The following FAF1 variants were observed in gnomAD, a reference collection of about 807,000 sequenced individuals.
FAF1 encodes FAS-associated factor 1.
In FAF1, 25 loss-of-function variants were observed where a neutral mutation model predicts 92.5. The observed-to-expected ratio is 0.27, with a 90% CI of 0.20 to 0.38. The LOEUF is 0.38. FAF1 is among the 10% of genes least tolerant of loss of function. The pLI is 1.00. For missense variants in FAF1, 636 were observed against 793.3 expected, an observed-to-expected ratio of 0.80 and a Z score of 2.38; for synonymous variants, 234 against 273.2, an observed-to-expected ratio of 0.86 and a Z score of 1.42.
At chr1:50,874,763 T>C (rs1291844579) in intron 1 of FAF1, among the ~76,000 whole-genome samples, 44 of 116,908 alleles carry the variant, frequency 3.8e-4, no homozygotes, top group Non-Finnish European at 6.0e-4. Flanking sequence ...TCTTTCTTTT[T>C]TTTTTTTTTT....
intron 6 of FAF1, among the ~76,000 whole-genome samples, chr1:50,726,698 G>A (rs558474238): frequency 6.4e-4 from 97 of 152,210 alleles, no homozygotes; most frequent in African/African-American, 2.2e-3. Context: ...GCGTGGTGGC[G>A]GGCACCTGTA....
chr1:50,798,423 C>A (rs1376322180), intron 3 of FAF1, among the ~76,000 whole-genome samples: 1 of 152,202 alleles, frequency 6.6e-6, no homozygotes, highest in African/African-American at 2.4e-5. Flanking sequence ...AGCATCAGCT[C>A]TCCAGTTATA....
rs1236455900 is a variant in FAF1, at chr1:50,440,734, C to A, written c.*706G>T. The A allele has an allele frequency of 6.6e-6, 1 of 152,274 alleles. No homozygotes were observed. Among genetic ancestry groups the A allele is most frequent in the Non-Finnish European group, 1.5e-5 (1 of 68,050 alleles). 9.4% of individuals were successfully genotyped at this position (152,274 alleles called of 1,614,324 possible). On this transcript the variant is annotated 3_prime_UTR_variant, in exon 19 of 19. Transcript: ENST00000396153. Reference sequence around the variant, plus strand: ...AAGTTTTGGTACTGGCCTCTCTGCACATGATCTCAACATTCACATTGTGTG... The same window carrying A: ...AAGTTTTGGTACTGGCCTCTCTGCAAATGATCTCAACATTCACATTGTGTG...
At chr1:50,478,312 T>A (rs1294489482) in intron 17 of FAF1, among the ~76,000 whole-genome samples, 1 of 152,026 alleles carries the variant, frequency 6.6e-6, no homozygotes, top group Non-Finnish European at 1.5e-5. Flanking sequence ...TACAGGTGCG[T>A]GCCAGCACAC....
intron 17 of FAF1, among the ~76,000 whole-genome samples, chr1:50,478,211 T>C (rs1646661574): frequency 6.6e-6 from 1 of 151,658 alleles, no homozygotes; most frequent in African/African-American, 2.4e-5. Context: ...TCGCCCAGGC[T>C]GGAGTGTGAT....
intron 6 of FAF1, among the ~76,000 whole-genome samples, chr1:50,717,406 G>C (rs1447109910): frequency 6.6e-6 from 1 of 152,116 alleles, no homozygotes; most frequent in Non-Finnish European, 1.5e-5. Context: ...ATGAGAAGGT[G>C]ACAAAGCCAG....
At chr1:50,739,676 G>T (rs957775148) in intron 5 of FAF1, among the ~76,000 whole-genome samples, 1 of 152,098 alleles carries the variant, frequency 6.6e-6, no homozygotes, top group African/African-American at 2.4e-5. Context: ...AGATCACTGA[G>T]AGCACCTCAA....
intron 1 of FAF1, among the ~76,000 whole-genome samples, chr1:50,955,964 G>A (rs1449835341): frequency 1.2e-4 from 19 of 152,154 alleles, no homozygotes; most frequent in Non-Finnish European, 2.5e-4. Flanking sequence ...TAGAAAGTAG[G>A]ATGGTGGTTG....
chr1:50,747,849 GT>G (rs1375871487), intron 4 of FAF1, among the ~76,000 whole-genome samples: 3 of 152,084 alleles, frequency 2.0e-5, no homozygotes, highest in African/African-American at 7.2e-5. Flanking sequence ...AGATCTGGGT[GT>G]TTAAAAGTGT....
intron 2 of FAF1, among the ~76,000 whole-genome samples, chr1:50,854,636 G>C (rs1644377021): frequency 6.6e-6 from 1 of 151,900 alleles, no homozygotes; most frequent in South Asian, 2.1e-4. Context: ...ATAGAGTTTG[G>C]AATACCTCTT....
At chr1:50,478,240 T>G (rs1214776049) in intron 17 of FAF1, among the ~76,000 whole-genome samples, 1 of 151,952 alleles carries the variant, frequency 6.6e-6, no homozygotes, top group Admixed American at 6.6e-5. Flanking sequence ...CTCGGCTCTC[T>G]GCAACCTCCG....
chr1:50,943,206 A>G (rs1645147799), intron 1 of FAF1, among the ~76,000 whole-genome samples: 1 of 152,152 alleles, frequency 6.6e-6, no homozygotes, highest in Admixed American at 6.5e-5. Flanking sequence ...AATCTGATCA[A>G]TTGGTATCAT....
rs548242598 is a variant in FAF1, at chr1:50,933,636, C to T, written c.45+26131G>A. ...TCAACCTCTGCCTGTTACCCAGTTC[C>T]AACGTCGCATCCAAATTTTCCAGTA... is the stretch of plus-strand genomic sequence containing the variant. On this transcript the variant is annotated intron_variant, in intron 1 of 18. Transcript: ENST00000396153. Among the ~76,000 whole-genome samples, 9 of 152,330 alleles carry T rather than the reference C, an allele frequency of 5.9e-5. No individual in the cohort carries two copies. The South Asian group carries it at 1.0e-3, about 18-fold the overall frequency.
intron 15 of FAF1, among the ~76,000 whole-genome samples, chr1:50,527,266 C>T (rs1326086984): frequency 1.3e-5 from 2 of 152,132 alleles, no homozygotes; most frequent in Non-Finnish European, 2.9e-5. Context: ...TTTTCATGTG[C>T]TATTGGCCAC....
At chr1:50,914,889 G>A (rs1042048614) in intron 1 of FAF1, among the ~76,000 whole-genome samples, 1 of 151,980 alleles carries the variant, frequency 6.6e-6, no homozygotes, top group Non-Finnish European at 1.5e-5. Flanking sequence ...GTTTTCACCA[G>A]CCTAGACTAA....
At chr1:50,739,005 TTA>T (rs1406648626) in intron 5 of FAF1, 51 bp from the exon 6 acceptor site, 2 of 1,117,422 alleles carry the variant, frequency 1.8e-6, no homozygotes, top group Non-Finnish European at 1.3e-6. Flanking sequence ...TGATTATTCA[TTA>T]TTGATTTTTC....
intron 4 of FAF1, among the ~76,000 whole-genome samples, chr1:50,758,538 T>C (rs1018851279): frequency 6.6e-6 from 1 of 152,252 alleles, no homozygotes; most frequent in Non-Finnish European, 1.5e-5. Context: ...AATTCTCATT[T>C]AAATAAATTT....
chr1:50,455,055 A>G (rs528860994), intron 18 of FAF1, among the ~76,000 whole-genome samples: 1 of 152,318 alleles, frequency 6.6e-6, no homozygotes, highest in South Asian at 2.1e-4. Context: ...CCCCAGCCTC[A>G]TTCCTACAGC....
intron 1 of FAF1, among the ~76,000 whole-genome samples, chr1:50,955,356 C>A (rs1645257118): frequency 6.6e-6 from 1 of 152,194 alleles, no homozygotes; most frequent in Non-Finnish European, 1.5e-5. Context: ...TTCCTTTACA[C>A]CCCCTCCTGG....
Sources: allele counts gnomAD v4.1 joint callset (sites outside exome capture counted in the v4.1 genomes callset), GRCh38; gene constraint gnomAD v4.1.1; transcripts MANE v1.5; gene names NCBI Gene and HGNC (gene_info 2026-07-23, HGNC 2026-07-21).